The following DHRSX variants were observed in gnomAD, a reference collection of about 807,000 sequenced individuals.
The protein encoded by DHRSX is polyprenol dehydrogenase.
Under a neutral mutation model 34.0 loss-of-function variants are expected in DHRSX, and 31 were observed. The observed-to-expected ratio is 0.91, with a 90% CI of 0.69 to 1.23. DHRSX has a LOEUF of 1.23. DHRSX is among the 50% of genes most tolerant of loss of function. DHRSX has a pLI of 0.00. For missense variants in DHRSX, 414 were observed against 428.1 expected (o/e 0.97, Z 0.29); for synonymous variants, 201 against 183.8 (o/e 1.09, Z -0.76).
At chrX:2,272,235 G>A (rs2041567510) in intron 4 of DHRSX, among the ~76,000 whole-genome samples, 1 of 152,068 alleles carries the variant, frequency 6.6e-6, no homozygotes, top group Admixed American at 6.6e-5. Context: ...TCTTTTTCAC[G>A]ATGCCATTTT....
intron 4 of DHRSX, among the ~76,000 whole-genome samples, chrX:2,268,345 A>T (rs2041502638): frequency 6.6e-6 from 1 of 152,266 alleles, no homozygotes. Flanking sequence ...ATGTACATGG[A>T]TAATGTAGAT....
At chrX:2,380,300 CAAAAAAAAAA>C (rs60910908) in intron 3 of DHRSX, among the ~76,000 whole-genome samples, 5,654 of 41,618 alleles carry the variant, frequency 0.14, 287 homozygotes, top group African/African-American at 0.32. Flanking sequence ...GACTCCGTCT[CAAAAAAAAAA>C]AAAAAAAAAA....
intron 3 of DHRSX, among the ~76,000 whole-genome samples, chrX:2,400,570 A>C (rs2043473367): frequency 6.6e-6 from 1 of 152,216 alleles, no homozygotes; most frequent in Non-Finnish European, 1.5e-5. Context: ...ACTGTGTTTC[A>C]GGCACTGAAT....
intron 3 of DHRSX, among the ~76,000 whole-genome samples, chrX:2,395,891 C>A (rs2317106): frequency 0.69 from 105,482 of 151,836 alleles, 36,843 homozygotes; most frequent in Admixed American, 0.73. Context: ...CCTGCCCGAT[C>A]TATGTCTCTA....
intron 6 of DHRSX, among the ~76,000 whole-genome samples, chrX:2,234,109 T>C: frequency 6.6e-6 from 1 of 152,354 alleles, no homozygotes; most frequent in South Asian, 2.1e-4. Context: ...TCATGAGCCC[T>C]GATCCATGCA....
chrX:2,298,182 G>A (rs1489047975), intron 3 of DHRSX, among the ~76,000 whole-genome samples: 3 of 152,058 alleles, frequency 2.0e-5, no homozygotes, highest in Non-Finnish European at 4.4e-5. Flanking sequence ...GCCCCCAGGA[G>A]CTGGGGGAGG....
At chrX:2,491,758 A>AT in intron 1 of DHRSX, among the ~76,000 whole-genome samples, 1 of 152,342 alleles carries the variant, frequency 6.6e-6, no homozygotes, top group South Asian at 2.1e-4. Flanking sequence ...CAAAATGCCC[A>AT]TTGTGTCCAG....
chrX:2,318,296 G>A (rs577619464), intron 3 of DHRSX, among the ~76,000 whole-genome samples: 197 of 151,430 alleles, frequency 1.3e-3, no homozygotes, highest in South Asian at 8.1e-3. Flanking sequence ...AGCTGAGAAG[G>A]TCAAGGCTGT....
intron 5 of DHRSX, among the ~76,000 whole-genome samples, chrX:2,249,979 C>A (rs1467684839): frequency 2.0e-5 from 3 of 151,528 alleles, no homozygotes; most frequent in African/African-American, 7.3e-5. Flanking sequence ...CTGGCTAACA[C>A]GGTGAAACCC....
intron 3 of DHRSX, among the ~76,000 whole-genome samples, chrX:2,356,686 C>T (rs1485405558): frequency 6.6e-6 from 1 of 152,208 alleles, no homozygotes; most frequent in Non-Finnish European, 1.5e-5. Context: ...TCCTCCTTCT[C>T]CTCCTCAGCC....
At chrX:2,435,143 G>T (rs1180249300) in intron 1 of DHRSX, among the ~76,000 whole-genome samples, 1 of 151,928 alleles carries the variant, frequency 6.6e-6, no homozygotes, top group Non-Finnish European at 1.5e-5. Flanking sequence ...GACGGGAGAG[G>T]AGGTTGAGGT....
chrX:2,364,033 G>C (rs1295841414), intron 3 of DHRSX, among the ~76,000 whole-genome samples: 1 of 152,122 alleles, frequency 6.6e-6, no homozygotes, highest in Non-Finnish European at 1.5e-5. Flanking sequence ...GCCATGTTTG[G>C]AGGGGAATCA....
Position 2,225,460 on chromosome X carries a change from AT to A in DHRSX, c.805-4232del, listed in dbSNP as rs200167430. ...CTTATACACATGCAAACATGCTTAT[AT>A]ATTCATTTGCATGCACACACTCATA... On this transcript the variant is annotated intron_variant, in intron 6 of 6. Coordinates refer to ENST00000334651, the MANE Select transcript of DHRSX (RefSeq NM_145177.3). Among the ~76,000 whole-genome samples the A allele has an allele frequency of 5.9e-3, 902 of 152,246 alleles. 4 individuals carry two copies. Among genetic ancestry groups the A allele is most frequent in the Middle Eastern group, 0.017 (5 of 294 alleles).
At chrX:2,496,826 A>G (rs1049854450) in intron 1 of DHRSX, among the ~76,000 whole-genome samples, 10 of 149,680 alleles carry the variant, frequency 6.7e-5, no homozygotes, top group Non-Finnish European at 1.2e-4. Context: ...TAAATTATAT[A>G]AATATAACTT....
At chrX:2,267,839 G>A (rs919677180) in intron 4 of DHRSX, among the ~76,000 whole-genome samples, 2 of 151,930 alleles carry the variant, frequency 1.3e-5, no homozygotes, top group African/African-American at 2.4e-5. Flanking sequence ...CCAGCTACTC[G>A]GGGAGGTTGA....
chrX:2,248,628 A>AAAAAAG (rs1556433590), intron 5 of DHRSX, among the ~76,000 whole-genome samples: 8 of 104,280 alleles, frequency 7.7e-5, no homozygotes, highest in East Asian at 5.6e-4. Context: ...AAAAAAAAAG[A>AAAAAAG]AAAAGAAAAG....
chrX:2,370,860 C>A (rs1350986208), intron 3 of DHRSX, among the ~76,000 whole-genome samples: 1 of 152,164 alleles, frequency 6.6e-6, no homozygotes, highest in Non-Finnish European at 1.5e-5. Context: ...TCCTTAGGAC[C>A]TGCTCAAAAT....
chrX:2,231,659 TTC>T (rs772231469), intron 6 of DHRSX, among the ~76,000 whole-genome samples: 4 of 131,492 alleles, frequency 3.0e-5, no homozygotes, highest in Admixed American at 2.1e-4. Flanking sequence ...CTGCCTTTTC[TTC>T]TTTTTTTCTT....
chrX:2,340,212 ATAGTAT>A (rs1226679701), intron 3 of DHRSX, among the ~76,000 whole-genome samples: 2 of 151,924 alleles, frequency 1.3e-5, no homozygotes, highest in South Asian at 2.1e-4. Flanking sequence ...TAGGGGAGTG[ATAGTAT>A]TAGGACAAGT....
Sources: allele counts gnomAD v4.1 joint callset (sites outside exome capture counted in the v4.1 genomes callset), GRCh38; gene constraint gnomAD v4.1.1; transcripts MANE v1.5; gene names NCBI Gene and HGNC (gene_info 2026-07-23, HGNC 2026-07-21).